The following HAPLN1 variants were observed in gnomAD, a reference collection of about 807,000 sequenced individuals.
HAPLN1 encodes hyaluronan and proteoglycan link protein 1.
In HAPLN1, 13 loss-of-function variants were observed where a neutral mutation model predicts 36.5. The ratio of observed to expected loss-of-function variants is 0.36; its 90% confidence interval spans 0.23 to 0.57. The LOEUF (loss-of-function observed/expected upper bound fraction) is 0.57, where lower values mean the gene tolerates loss of function less well. HAPLN1 is among the 20% of genes least tolerant of loss of function. The probability of loss-of-function intolerance (pLI) is 0.83; values close to 1 mark genes in which losing one functional copy is unlikely to be tolerated. For synonymous variants in HAPLN1, 202 were observed against 169.8 expected (o/e 1.19, Z -1.48); for missense variants, 407 against 439.7 (o/e 0.93, Z 0.66).
rs56005008 is a variant in HAPLN1, at chr5:83,661,435, C to CTTTTTTTTTTTTTT, written c.101-8625_101-8612dup. On this transcript the variant is annotated intron_variant, in intron 2 of 4. Transcript: ENST00000274341. ...CAATGGTGGTCTGTGAGAAAAGCTT[C>CTTTTTTTTTTTTTT]TTTTTTTTTTTTTTTTTTTTTTTTT... Among the ~76,000 whole-genome samples the CTTTTTTTTTTTTTT allele has an allele frequency of 2.2e-4, 14 of 62,956 alleles. 1 individual carries two copies. Among genetic ancestry groups the CTTTTTTTTTTTTTT allele is most frequent in the African/African-American group, 9.4e-4 (14 of 14,834 alleles). 41.3% of individuals were successfully genotyped at this position (62,956 alleles called of 152,430 possible). A position where few individuals can be genotyped will look rare whatever the true frequency, so the allele number is the denominator to read the frequency against.
intron 1 of HAPLN1, among the ~76,000 whole-genome samples, chr5:83,686,595 C>A (rs1232387314): frequency 6.6e-6 from 1 of 152,142 alleles, no homozygotes; most frequent in Non-Finnish European, 1.5e-5. Flanking sequence ...GACAGCCATG[C>A]CACCTTTTCA....
chr5:83,682,497 G>A (rs1161584493), intron 1 of HAPLN1: 1 of 152,172 alleles, frequency 6.6e-6, no homozygotes, highest in Non-Finnish European at 1.5e-5. Flanking sequence ...ATGGTTTTTA[G>A]CAGCAGAAAC....
intron 1 of HAPLN1, among the ~76,000 whole-genome samples, chr5:83,676,663 C>T (rs1180519249): frequency 6.6e-6 from 1 of 152,070 alleles, no homozygotes; most frequent in African/African-American, 2.4e-5. Flanking sequence ...GTAATCATGC[C>T]TCCTCTTAAT....
At chr5:83,673,305 GA>G in intron 2 of HAPLN1, 118 bp downstream of exon 2, 1 of 664,034 alleles carries the variant, frequency 1.5e-6, no homozygotes. Context: ...CCAATTAGCA[GA>G]AAGGGAAAGA....
intron 1 of HAPLN1, chr5:83,686,014 A>G (rs1355478743): frequency 2.0e-5 from 3 of 152,044 alleles, no homozygotes; most frequent in South Asian, 2.1e-4. Context: ...AACATAAAGC[A>G]TATGTGCTTT....
At chr5:83,644,748 C>G (rs1749807198) in intron 3 of HAPLN1, 83 bp from the exon 4 acceptor site, 2 of 984,582 alleles carry the variant, frequency 2.0e-6, no homozygotes, top group Non-Finnish European at 2.8e-6. Context: ...GGTGAAAAAC[C>G]TAACAGACCC....
intron 1 of HAPLN1, among the ~76,000 whole-genome samples, chr5:83,683,366 G>A (rs1751049107): frequency 1.3e-5 from 2 of 152,112 alleles, no homozygotes; most frequent in African/African-American, 2.4e-5. Context: ...CAGTGTAGAG[G>A]TGGCAGAGTT....
chr5:83,709,942 G>A (rs539731459), intron 1 of HAPLN1, among the ~76,000 whole-genome samples: 1 of 152,300 alleles, frequency 6.6e-6, no homozygotes, highest in East Asian at 1.9e-4. Context: ...AGAATCCATA[G>A]GATGACTCCT....
At chr5:83,659,992 C>T (rs142857538) in intron 2 of HAPLN1, among the ~76,000 whole-genome samples, 2 of 152,090 alleles carry the variant, frequency 1.3e-5, no homozygotes, top group Admixed American at 6.6e-5. Flanking sequence ...CCATCCAGCC[C>T]ACTTCCCAAC....
intron 2 of HAPLN1, among the ~76,000 whole-genome samples, chr5:83,655,664 T>C (rs192615360): frequency 3.3e-5 from 5 of 152,000 alleles, no homozygotes; most frequent in Non-Finnish European, 7.4e-5. Flanking sequence ...AACATGGCCT[T>C]GAGAATAATG....
chr5:83,704,817 A>G (rs1751591190), intron 1 of HAPLN1, among the ~76,000 whole-genome samples: 2 of 152,232 alleles, frequency 1.3e-5, no homozygotes, highest in East Asian at 1.9e-4. Flanking sequence ...GGACAGTTCA[A>G]CATTCCACTG....
At position 83,652,489 on chromosome 5, in the gene HAPLN1, C is replaced by T; in HGVS notation, c.436G>A (p.Glu146Lys). The part of the protein sequence containing the change: ...RYKCEVIEGL[E>K]DDTVVVALDL... ...AGTGCTACCACAACAGTATCATCTTCTAATCCTTCAATCACCTCACACTTA... is the reference window on the plus strand; with the variant it reads ...AGTGCTACCACAACAGTATCATCTTTTAATCCTTCAATCACCTCACACTTA... Residue 146 changes from glutamate (E) to lysine (K), a missense_variant, in exon 3 of 5, where the codon GAA (glutamate) becomes AAA (lysine). Coordinates refer to ENST00000274341, the MANE Select transcript of HAPLN1 (RefSeq NM_001884.4). 6.2e-7 allele frequency: 1 copy of T among 1,614,092 alleles called. No individual in the cohort carries two copies. Among genetic ancestry groups the T allele is most frequent in the Non-Finnish European group, 8.5e-7 (1 of 1,179,962 alleles).
At chr5:83,655,726 T>A (rs984178071) in intron 2 of HAPLN1, among the ~76,000 whole-genome samples, 1 of 152,156 alleles carries the variant, frequency 6.6e-6, no homozygotes, top group Non-Finnish European at 1.5e-5. Flanking sequence ...ATTACACAGC[T>A]CTGAGCATTT....
At chr5:83,720,285 C>G (rs1751992200) in intron 1 of HAPLN1, among the ~76,000 whole-genome samples, 1 of 152,270 alleles carries the variant, frequency 6.6e-6, no homozygotes, top group Non-Finnish European at 1.5e-5. Flanking sequence ...CCAAAAATGG[C>G]AACATTTCTA....
chr5:83,682,450 T>A (rs1751026949), intron 1 of HAPLN1: 1 of 152,204 alleles, frequency 6.6e-6, no homozygotes, highest in Non-Finnish European at 1.5e-5. Context: ...GGTACCTAGT[T>A]ATACTAAGTC....
chr5:83,655,517 G>GT (rs1750184592), intron 2 of HAPLN1, among the ~76,000 whole-genome samples: 4 of 147,772 alleles, frequency 2.7e-5, no homozygotes, highest in South Asian at 2.2e-4. Context: ...TTCACTTTGG[G>GT]GTGTGTGTGT....
chr5:83,717,391 T>C (rs1751939466), intron 1 of HAPLN1, among the ~76,000 whole-genome samples: 1 of 152,210 alleles, frequency 6.6e-6, no homozygotes, highest in African/African-American at 2.4e-5. Context: ...ACCAAACTCT[T>C]CCAAAGAGGA....
chr5:83,718,663 C>T (rs1751963417), intron 1 of HAPLN1, among the ~76,000 whole-genome samples: 1 of 152,162 alleles, frequency 6.6e-6, no homozygotes. Context: ...AGACTAAGTA[C>T]TATGGTTACT....
At chr5:83,669,120 C>T (rs2112592086) in intron 2 of HAPLN1, among the ~76,000 whole-genome samples, 1 of 152,294 alleles carries the variant, frequency 6.6e-6, no homozygotes, top group South Asian at 2.1e-4. Context: ...TCTGTGCTCA[C>T]ATAGTAAATA....
Sources: gnomAD v4.1 joint callset for allele counts (sites outside exome capture counted in the v4.1 genomes callset) on GRCh38, gnomAD v4.1.1 for gene constraint, MANE v1.5 for transcripts, NCBI Gene and HGNC (gene_info 2026-07-23, HGNC 2026-07-21) for gene names.